Variants in ZNF451 observed in about 807,000 individuals in gnomAD.
ZNF451 encodes the protein E3 SUMO-protein ligase ZNF451.
ZNF451 carries 80 observed loss-of-function variants against 107.1 expected under a neutral mutation model. That is an observed-to-expected ratio of 0.75 (90% confidence interval 0.62 to 0.90). The LOEUF is 0.90. Ranked by LOEUF, ZNF451 falls within the 40% of genes least tolerant of loss-of-function variation. The pLI, the probability that ZNF451 is intolerant of heterozygous loss-of-function variation, is 0.00. For synonymous variants in ZNF451, 362 were observed against 406.5 expected (o/e 0.89, Z 1.32); for missense variants, 1,107 against 1,236.2 (o/e 0.90, Z 1.57).
In ZNF451 at chr6:57,147,231, G is replaced by A; in HGVS notation, c.1146G>A (p.Gln382=). Residue 382 remains glutamine, a synonymous_variant, in exon 10 of 15, where the codon CAG becomes CAA. Coordinates refer to ENST00000370706, the MANE Select transcript of ZNF451 (RefSeq NM_001031623.3). ...VDETSTQNHK[Q]NSGHKVRVIN... ...AAACCAGCACCCAAAATCATAAGCA[G>A]AATTCAGGACACAAAGTCCGAGTCA... The A allele has an allele frequency of 6.2e-7, 1 of 1,614,016 alleles. No individual in the cohort carries two copies. Among genetic ancestry groups the A allele is most frequent in the Middle Eastern group, 1.6e-4 (1 of 6,062 alleles).
chr6:57,121,710 C>T lies in ZNF451; in HGVS notation c.187-3024C>T, dbSNP rs867456321. On this transcript the variant is annotated intron_variant, in intron 3 of 14. Transcript: ENST00000370706. ...GATCTCTACGAGGAAAACTATAAAA[C>T]ACTGCTGAAAGAAATCATAAATGAC... Among the ~76,000 whole-genome samples the T allele has an allele frequency of 3.9e-5, 6 of 152,096 alleles. No homozygotes were observed. The South Asian group carries it at 1.0e-3, about 26-fold the overall frequency.
intron 12 of ZNF451, among the ~76,000 whole-genome samples, chr6:57,153,406 CTT>C (rs112816489): frequency 2.8e-5 from 4 of 142,104 alleles, no homozygotes; most frequent in African/African-American, 2.6e-5. Flanking sequence ...TTCTTTCTCT[CTT>C]TTTTTTTTTT....
At chr6:57,159,668 T>TAA (rs990478409) in intron 13 of ZNF451, among the ~76,000 whole-genome samples, 1 of 152,178 alleles carries the variant, frequency 6.6e-6, no homozygotes, top group African/African-American at 2.4e-5. Context: ...TTTAGAGGTT[T>TAA]AATTTTGTTC....
Position 57,092,930 on chromosome 6 carries a change from A to G in ZNF451, c.105+2036A>G, listed in dbSNP as rs553942195. The G allele has an allele frequency of 2.6e-5, 4 of 152,326 alleles. No homozygotes were observed. In the East Asian group the frequency reaches 7.7e-4, roughly 29 times the overall value. The allele number at this position is 152,326 out of a possible 1,614,324, so 9.4% of individuals were successfully genotyped here. ...TCATTTAAATTTTATTGAAATATAC[A>G]TAAAAGTGCACAATTCATAAGTATA... On this transcript the variant is annotated intron_variant, in intron 2 of 14. Transcript: ENST00000370706.
At chr6:57,106,611 A>ATT (rs75440505) in intron 3 of ZNF451, 3,896 of 941,604 alleles carry the variant, frequency 4.1e-3, no homozygotes, top group Middle Eastern at 6.1e-3. Context: ...TGGCTGTGAA[A>ATT]TTTTTTTTTT....
At position 57,152,202 on chromosome 6, in the gene ZNF451, C is replaced by T. The variant is rs1282330551; in HGVS notation, c.2753-19C>T. The T allele has an allele frequency of 6.3e-7, 1 of 1,585,862 alleles. No individual in the cohort carries two copies. Among genetic ancestry groups the T allele is most frequent in the South Asian group, 1.2e-5 (1 of 85,268 alleles). ...CTCTCCTGTTTGATTATCATTTTTGCCTTTTCTAAAATTAATAGGAGGAAA... is the reference window on the plus strand; with the variant it reads ...CTCTCCTGTTTGATTATCATTTTTGTCTTTTCTAAAATTAATAGGAGGAAA... On this transcript the variant is annotated intron_variant, in intron 11 of 14. Transcript: ENST00000370706.
Position 57,152,362 on chromosome 6 carries a change from G to C in ZNF451, c.2883+11G>C. The C allele has an allele frequency of 6.2e-7, 1 of 1,611,084 alleles. No homozygotes were observed. Among genetic ancestry groups the C allele is most frequent in the Non-Finnish European group, 8.5e-7 (1 of 1,179,392 alleles). On this transcript the variant is annotated intron_variant, in intron 12 of 14. Transcript: ENST00000370706. ...GCCATATGTATGCATGTGAGTCATTGTTTTATTCAAAATCTAATGTGAATC... is the reference window on the plus strand; with the variant it reads ...GCCATATGTATGCATGTGAGTCATTCTTTTATTCAAAATCTAATGTGAATC...
intron 4 of ZNF451, chr6:57,126,404 C>G (rs1830930783): frequency 6.6e-6 from 1 of 151,622 alleles, no homozygotes; most frequent in Admixed American, 6.6e-5. Flanking sequence ...AAAACAACAA[C>G]AACAACAAAA....
intron 9 of ZNF451, among the ~76,000 whole-genome samples, chr6:57,145,886 A>G (rs1283358900): frequency 6.6e-6 from 1 of 152,206 alleles, no homozygotes. Flanking sequence ...ATTGTTTTCC[A>G]TAGAGGTTGT....
chr6:57,101,419 A>G, intron 3 of ZNF451: 1 of 1,550,646 alleles, frequency 6.4e-7, no homozygotes, highest in Non-Finnish European at 8.7e-7. Flanking sequence ...GGCCAAGGAC[A>G]CCTCTCCTTT....
chr6:57,144,294 G>T (rs911585069), intron 9 of ZNF451, among the ~76,000 whole-genome samples: 64 of 141,164 alleles, frequency 4.5e-4, no homozygotes, highest in African/African-American at 1.5e-3. Context: ...AGGCTGGAGT[G>T]CAATGGTGCA....
chr6:57,144,755 C>A (rs1306872137), intron 9 of ZNF451, among the ~76,000 whole-genome samples: 1 of 151,836 alleles, frequency 6.6e-6, no homozygotes, highest in Non-Finnish European at 1.5e-5. Context: ...ATGGCGAAAC[C>A]CCATCTCTAC....
intron 3 of ZNF451, chr6:57,108,667 T>A (rs866261635): frequency 2.0e-6 from 2 of 985,456 alleles, no homozygotes. Flanking sequence ...TTTAATGGCT[T>A]GGAACAGCTT....
intron 3 of ZNF451, chr6:57,103,125 C>T: frequency 5.1e-6 from 5 of 985,416 alleles, no homozygotes; most frequent in Non-Finnish European, 6.0e-6. Flanking sequence ...ACGATCCAGG[C>T]ATGCAAATCT....
intron 9 of ZNF451, among the ~76,000 whole-genome samples, chr6:57,146,815 T>C (rs1415075973): frequency 6.6e-6 from 1 of 152,244 alleles, no homozygotes; most frequent in East Asian, 1.9e-4. Context: ...GTGCTTTTGA[T>C]ACAGATTTTA....
intron 3 of ZNF451, chr6:57,101,101 A>G: frequency 6.4e-7 from 1 of 1,550,762 alleles, no homozygotes; most frequent in African/African-American, 1.4e-5. Flanking sequence ...TAAAGAGGAA[A>G]ATTTATCCAC....
At chr6:57,167,032 T>C (rs916684061) in intron 14 of ZNF451, among the ~76,000 whole-genome samples, 2 of 152,228 alleles carry the variant, frequency 1.3e-5, no homozygotes, top group Non-Finnish European at 2.9e-5. Flanking sequence ...GTTGCTGTAC[T>C]TAATGATGGT....
chr6:57,095,814 T>TTTGTTGTTG (rs936673400), intron 2 of ZNF451, among the ~76,000 whole-genome samples: 1 of 148,034 alleles, frequency 6.8e-6, no homozygotes, highest in South Asian at 2.2e-4. Flanking sequence ...GCTTTTTTTT[T>TTTGTTGTTG]TTGTTGTTGT....
At chr6:57,127,397 A>G (rs529512186) in intron 4 of ZNF451, among the ~76,000 whole-genome samples, 2 of 152,220 alleles carry the variant, frequency 1.3e-5, no homozygotes, top group African/African-American at 2.4e-5. Context: ...GTAGTATTCT[A>G]TGGCTGTAAT....
Sources: gnomAD v4.1 joint callset for allele counts (sites outside exome capture counted in the v4.1 genomes callset) on GRCh38, gnomAD v4.1.1 for gene constraint, MANE v1.5 for transcripts, NCBI Gene and HGNC (gene_info 2026-07-23, HGNC 2026-07-21) for gene names.